SOCS2: variants seen among roughly 807,000 people sequenced by gnomAD.
SOCS2 encodes the protein suppressor of cytokine signaling 2.
In SOCS2, 10 loss-of-function variants were observed where a neutral mutation model predicts 18.6. The ratio of observed to expected loss-of-function variants is 0.54; its 90% CI spans 0.33 to 0.91. SOCS2 has a LOEUF of 0.91. Among genes scored for constraint, SOCS2 ranks in the 40% least tolerant of loss-of-function variants. The probability of loss-of-function intolerance (pLI) is 0.02; values close to 1 mark genes in which losing one functional copy is unlikely to be tolerated. For synonymous variants in SOCS2, 104 were observed against 104.0 expected, an observed-to-expected ratio of 1.00 and a Z score of 0.00; for missense variants, 231 against 247.2, an observed-to-expected ratio of 0.93 and a Z score of 0.44.
chr12:93,608,862 C>T, the SOCS2 span, among the ~76,000 whole-genome samples: 4 of 152,164 alleles, frequency 2.6e-5, no homozygotes, highest in African/African-American at 9.7e-5. Flanking sequence ...AAATACTCAG[C>T]TTAATTGGTG....
intron 1 of SOCS2, chr12:93,573,524 A>G (rs1208839726): frequency 1.6e-5 from 4 of 257,142 alleles, no homozygotes; most frequent in Non-Finnish European, 2.2e-5. Flanking sequence ...GGGCGTCGAG[A>G]GTAGGCTGCG....
At chr12:93,614,099 A>C in the SOCS2 span, among the ~76,000 whole-genome samples, 1 of 149,970 alleles carries the variant, frequency 6.7e-6, no homozygotes. Flanking sequence ...TTTTTTTTTC[A>C]TTGATTCATT....
downstream of SOCS2, among the ~76,000 whole-genome samples, chr12:93,580,046 G>A (rs1305274652): frequency 6.6e-6 from 1 of 152,152 alleles, no homozygotes; most frequent in Non-Finnish European, 1.5e-5. Context: ...GAGTCCTAGT[G>A]AGAGAAAAGG....
chr12:93,580,618 C>CAAA (rs35305411), downstream of SOCS2, among the ~76,000 whole-genome samples: 23 of 73,040 alleles, frequency 3.1e-4, no homozygotes, highest in South Asian at 1.1e-3. Context: ...GAGACTGTCT[C>CAAA]AAAAAAAAAA....
At chr12:93,595,061 A>G in the SOCS2 span, among the ~76,000 whole-genome samples, 1 of 152,184 alleles carries the variant, frequency 6.6e-6, no homozygotes, top group African/African-American at 2.4e-5. Flanking sequence ...GGTACTTAAA[A>G]TCTTGCCAAA....
At chr12:93,614,478 C>CCTTCCTTCCTTCCTTTCTTTCTTT in the SOCS2 span, among the ~76,000 whole-genome samples, 1 of 49,426 alleles carries the variant, frequency 2.0e-5, no homozygotes, top group African/African-American at 1.4e-4. Flanking sequence ...TTCCTTCCTT[C>CCTTCCTTCCTTCCTTTCTTTCTTT]CTTTCCTTCC....
chr12:93,587,178 A>G (rs940070192), downstream of SOCS2, among the ~76,000 whole-genome samples: 2 of 151,984 alleles, frequency 1.3e-5, no homozygotes, highest in Non-Finnish European at 2.9e-5. Flanking sequence ...AGAAAAAACA[A>G]AAACAAAAAA....
At chr12:93,607,711 G>A in the SOCS2 span, among the ~76,000 whole-genome samples, 1 of 152,056 alleles carries the variant, frequency 6.6e-6, no homozygotes, top group Non-Finnish European at 1.5e-5. Context: ...ACTTCATGAC[G>A]AGCAAATATC....
In SOCS2 at chr12:93,575,893, A is replaced by C. The variant is rs1409548715; in HGVS notation, c.*714A>C. The C allele has an allele frequency of 6.6e-6, 1 of 152,646 alleles. No individual in the cohort carries two copies. Among genetic ancestry groups the C allele is most frequent in the Non-Finnish European group, 1.5e-5 (1 of 68,034 alleles). The allele number at this position is 152,646 out of a possible 1,614,324, so 9.5% of individuals were successfully genotyped here. A position where few individuals can be genotyped will look rare whatever the true frequency, so the allele number is the denominator to read the frequency against. ...TTTTCCTTTAAAGCTAAAGACAAGAATATCATGCTATACAGGTGCAACTCA... is the reference window on the plus strand; with the variant it reads ...TTTTCCTTTAAAGCTAAAGACAAGACTATCATGCTATACAGGTGCAACTCA... On this transcript the variant is annotated 3_prime_UTR_variant, in exon 2 of 2. Coordinates refer to ENST00000551556, the MANE Select transcript of SOCS2 (RefSeq NM_001270471.2).
chr12:93,593,284 A>G, the SOCS2 span, among the ~76,000 whole-genome samples: 1 of 152,174 alleles, frequency 6.6e-6, no homozygotes, highest in African/African-American at 2.4e-5. Flanking sequence ...TGACTCCCAA[A>G]TGCCTAAAGC....
At chr12:93,602,155 C>T in the SOCS2 span, among the ~76,000 whole-genome samples, 253 of 152,240 alleles carry the variant, frequency 1.7e-3, no homozygotes, top group African/African-American at 5.8e-3. Flanking sequence ...TGCAGTGGCG[C>T]GATCACAGCT....
chr12:93,583,868 C>CA (rs1251386663), downstream of SOCS2, among the ~76,000 whole-genome samples: 2 of 152,334 alleles, frequency 1.3e-5, no homozygotes, highest in East Asian at 1.9e-4. Context: ...CTTTTATCTC[C>CA]ACTTCAGAGA....
At chr12:93,584,494 C>A (rs1167823428), downstream of SOCS2, among the ~76,000 whole-genome samples, 1 of 152,132 alleles carries the variant, frequency 6.6e-6, no homozygotes, top group Non-Finnish European at 1.5e-5. Flanking sequence ...GGTTTTCTCA[C>A]TCTTTTGTTC....
the SOCS2 span, among the ~76,000 whole-genome samples, chr12:93,589,074 A>G: frequency 6.6e-6 from 1 of 152,200 alleles, no homozygotes; most frequent in Non-Finnish European, 1.5e-5. Context: ...TATTTACCGT[A>G]CAGCATGGTT....
At chr12:93,591,832 C>T in the SOCS2 span, among the ~76,000 whole-genome samples, 1 of 152,178 alleles carries the variant, frequency 6.6e-6, no homozygotes, top group Non-Finnish European at 1.5e-5. Flanking sequence ...GTTTTTGCCG[C>T]ATATCTCATG....
upstream of SOCS2, chr12:93,570,353 G>C (rs1365870200): frequency 6.6e-6 from 1 of 152,490 alleles, no homozygotes; most frequent in South Asian, 2.1e-4. Context: ...AAGGACGGCC[G>C]GCGCCGCTTA....
At chr12:93,621,176 T>C in the SOCS2 span, among the ~76,000 whole-genome samples, 1 of 152,234 alleles carries the variant, frequency 6.6e-6, no homozygotes, top group African/African-American at 2.4e-5. Context: ...ATCACCTATC[T>C]AGACATCACA....
At chr12:93,621,015 T>G in the SOCS2 span, among the ~76,000 whole-genome samples, 1 of 152,208 alleles carries the variant, frequency 6.6e-6, no homozygotes, top group Non-Finnish European at 1.5e-5. Context: ...GCAGTCATGA[T>G]GGGAGGTTGG....
intron 1 of SOCS2, chr12:93,573,460 C>G (rs531338633): frequency 2.9e-6 from 1 of 347,988 alleles, no homozygotes; most frequent in African/African-American, 2.1e-5. Flanking sequence ...GGCTGCAGCC[C>G]AGGATCTTGG....
Sources: gnomAD v4.1 joint callset for allele counts (sites outside exome capture counted in the v4.1 genomes callset) on GRCh38, gnomAD v4.1.1 for gene constraint, MANE v1.5 for transcripts, NCBI Gene and HGNC (gene_info 2026-07-23, HGNC 2026-07-21) for gene names.